The following RALYL variants were observed in gnomAD, a reference collection of about 807,000 sequenced individuals.
The protein encoded by RALYL is RNA-binding Raly-like protein.
In RALYL, 29 loss-of-function variants were observed where a neutral mutation model predicts 35.1. That is an observed-to-expected ratio of 0.83 (90% confidence interval 0.61 to 1.13). The LOEUF (loss-of-function observed/expected upper bound fraction) is 1.13. RALYL is among the 50% of genes most tolerant of loss of function. The pLI is 0.00. For missense variants in RALYL, 359 were observed against 360.4 expected, an observed-to-expected ratio of 1.00 and a Z score of 0.03; for synonymous variants, 120 against 127.6, an observed-to-expected ratio of 0.94 and a Z score of 0.40.
intron 3 of RALYL, among the ~76,000 whole-genome samples, chr8:84,796,751 G>C (rs951398760): frequency 5.1e-5 from 7 of 138,400 alleles, no homozygotes; most frequent in Admixed American, 1.4e-4. Flanking sequence ...TAATTCTTAA[G>C]TATATTAAGT....
intron 2 of RALYL, among the ~76,000 whole-genome samples, chr8:84,532,659 CT>C (rs1350814899): frequency 6.6e-6 from 1 of 151,934 alleles, no homozygotes; most frequent in African/African-American, 2.4e-5. Context: ...AGTACTTTAC[CT>C]TTATTACCTT....
At chr8:84,796,785 T>A (rs970848405) in intron 3 of RALYL, among the ~76,000 whole-genome samples, 1 of 152,242 alleles carries the variant, frequency 6.6e-6, no homozygotes, top group Non-Finnish European at 1.5e-5. Flanking sequence ...TCATGCTAAA[T>A]TATTGCATAA....
chr8:84,797,797 C>T (rs1193700287), intron 3 of RALYL, among the ~76,000 whole-genome samples: 1 of 152,224 alleles, frequency 6.6e-6, no homozygotes, highest in Non-Finnish European at 1.5e-5. Flanking sequence ...CTACTCCTTG[C>T]TGGCTTGAGT....
At chr8:84,342,232 T>C (rs1429264236) in intron 1 of RALYL, among the ~76,000 whole-genome samples, 1 of 131,034 alleles carries the variant, frequency 7.6e-6, no homozygotes, top group African/African-American at 3.0e-5. Context: ...CAGCAAAAAT[T>C]GTTAACAATG....
At chr8:84,609,174 T>C (rs2130854725) in intron 2 of RALYL, among the ~76,000 whole-genome samples, 1 of 152,270 alleles carries the variant, frequency 6.6e-6, no homozygotes, top group South Asian at 2.1e-4. Context: ...ATTTACACAA[T>C]CTTGAGGTTC....
intron 1 of RALYL, among the ~76,000 whole-genome samples, chr8:84,218,900 G>C (rs1821502522): frequency 6.6e-6 from 1 of 152,092 alleles, no homozygotes; most frequent in Non-Finnish European, 1.5e-5. Context: ...ATGTAGTGAT[G>C]TAGTAGCCAC....
chr8:84,423,096 G>A (rs1269135933), intron 1 of RALYL, among the ~76,000 whole-genome samples: 1 of 150,104 alleles, frequency 6.7e-6, no homozygotes, highest in Non-Finnish European at 1.5e-5. Flanking sequence ...TCAATTCCTG[G>A]GTATCCTTGT....
intron 2 of RALYL, among the ~76,000 whole-genome samples, chr8:84,763,347 A>C (rs930224767): frequency 6.6e-5 from 10 of 152,354 alleles, no homozygotes; most frequent in South Asian, 2.1e-4. Flanking sequence ...TGTTACCAAC[A>C]GGATATTCTT....
intron 2 of RALYL, among the ~76,000 whole-genome samples, chr8:84,757,016 A>T (rs904370208): frequency 6.6e-6 from 1 of 152,132 alleles, no homozygotes; most frequent in Non-Finnish European, 1.5e-5. Context: ...TCTCTTAAAC[A>T]GTGATAACAT....
At chr8:84,658,091 A>C (rs993407964) in intron 2 of RALYL, among the ~76,000 whole-genome samples, 15 of 152,140 alleles carry the variant, frequency 9.9e-5, no homozygotes, top group African/African-American at 3.6e-4. Context: ...ACCTTTTGAC[A>C]CCACAGGGCT....
intron 2 of RALYL, among the ~76,000 whole-genome samples, chr8:84,542,203 G>A (rs2060064970): frequency 6.6e-6 from 1 of 151,822 alleles, no homozygotes; most frequent in African/African-American, 2.4e-5. Context: ...ATACATCTCA[G>A]CTTATACCAT....
chr8:84,488,571 ATC>A (rs2054902619), intron 1 of RALYL, among the ~76,000 whole-genome samples: 1 of 152,008 alleles, frequency 6.6e-6, no homozygotes. Context: ...CTCTAAATTT[ATC>A]TAGTTCCTCC....
intron 1 of RALYL, among the ~76,000 whole-genome samples, chr8:84,336,679 T>A (rs1038879118): frequency 6.6e-6 from 1 of 152,078 alleles, no homozygotes; most frequent in Non-Finnish European, 1.5e-5. Context: ...TTTTTTAAGA[T>A]GAGAAGTTCC....
chr8:84,551,276 C>A (rs1057320719), intron 2 of RALYL, among the ~76,000 whole-genome samples: 1 of 152,058 alleles, frequency 6.6e-6, no homozygotes, highest in Non-Finnish European at 1.5e-5. Flanking sequence ...TAACTTTTCA[C>A]TGTTTCCATT....
rs375742233 is a variant in RALYL, at chr8:84,477,467, G to A, written c.-23-51832G>A. On this transcript the variant is annotated intron_variant, in intron 1 of 8. Coordinates refer to ENST00000521268, the MANE Select transcript of RALYL (RefSeq NM_173848.7). Reference sequence around the variant, plus strand: ...CAGAAAGTGAATATGATAGAGAACTGGAGGTTATCATTATTGAATTTATAT... The same window carrying A: ...CAGAAAGTGAATATGATAGAGAACTAGAGGTTATCATTATTGAATTTATAT... Among the ~76,000 whole-genome samples, 6 of 148,112 alleles carry A rather than the reference G, an allele frequency of 4.1e-5. No homozygotes were observed. The East Asian group carries it at 8.0e-4, about 20-fold the overall frequency.
chr8:84,811,008 G>A (rs1015909834), intron 4 of RALYL, among the ~76,000 whole-genome samples: 1 of 152,112 alleles, frequency 6.6e-6, no homozygotes, highest in South Asian at 2.1e-4. Flanking sequence ...GTATTGAGAT[G>A]TGAGGTACCG....
intron 8 of RALYL, among the ~76,000 whole-genome samples, chr8:84,888,795 G>A (rs1040968840): frequency 6.6e-6 from 1 of 152,022 alleles, no homozygotes; most frequent in African/African-American, 2.4e-5. Flanking sequence ...TGTCCCCCAG[G>A]CTGGAGTGCA....
At chr8:84,758,093 G>C (rs538443599) in intron 2 of RALYL, among the ~76,000 whole-genome samples, 2 of 152,206 alleles carry the variant, frequency 1.3e-5, no homozygotes, top group African/African-American at 4.8e-5. Flanking sequence ...GTTTTGAGAA[G>C]GTTTTTCTCA....
intron 2 of RALYL, among the ~76,000 whole-genome samples, chr8:84,589,332 T>G (rs1481610213): frequency 6.6e-6 from 1 of 152,222 alleles, no homozygotes; most frequent in African/African-American, 2.4e-5. Context: ...TCTTACTGTA[T>G]CCTGTTAGAT....
Sources: allele counts gnomAD v4.1 joint callset (sites outside exome capture counted in the v4.1 genomes callset), GRCh38; gene constraint gnomAD v4.1.1; transcripts MANE v1.5; gene names NCBI Gene and HGNC (gene_info 2026-07-23, HGNC 2026-07-21).